MAB21L3: variants seen among roughly 807,000 people sequenced by gnomAD.
MAB21L3 encodes the protein mab-21 like 3, also known as protein mab-21-like 3.
A neutral mutation model predicts 37.7 loss-of-function variants in MAB21L3; 36 were observed. The ratio of observed to expected loss-of-function variants is 0.96; its 90% CI spans 0.73 to 1.26. The LOEUF is 1.26. Among genes scored for constraint, MAB21L3 ranks in the 50% most tolerant of loss-of-function variants. The probability of loss-of-function intolerance (pLI) is 0.00; values close to 1 mark genes in which losing one functional copy is unlikely to be tolerated. For synonymous variants in MAB21L3, 186 were observed against 176.8 expected, an observed-to-expected ratio of 1.05 and a Z score of -0.41; for missense variants, 430 against 447.3, an observed-to-expected ratio of 0.96 and a Z score of 0.35.
At chr1:116,115,126 T>C (rs1659552462) in intron 3 of MAB21L3, among the ~76,000 whole-genome samples, 1 of 152,140 alleles carries the variant, frequency 6.6e-6, no homozygotes, top group Admixed American at 6.5e-5. Context: ...TCCTCATCTA[T>C]AAAATGGGGA....
At chr1:116,132,433 G>A (rs1287509024) in intron 7 of MAB21L3, among the ~76,000 whole-genome samples, 1 of 152,152 alleles carries the variant, frequency 6.6e-6, no homozygotes, top group Non-Finnish European at 1.5e-5. Flanking sequence ...GAAAGGTCAG[G>A]TAAGGTGCAG....
At chr1:116,124,019 C>A (rs1388763636) in intron 4 of MAB21L3, 47 bp from the exon 5 acceptor site, 1 of 1,547,098 alleles carries the variant, frequency 6.5e-7, no homozygotes, top group South Asian at 1.3e-5. Context: ...CCGTTACCTC[C>A]CGAATCTGTG....
intron 3 of MAB21L3, among the ~76,000 whole-genome samples, chr1:116,114,911 G>A (rs1659544081): frequency 6.6e-6 from 1 of 152,118 alleles, no homozygotes; most frequent in Non-Finnish European, 1.5e-5. Flanking sequence ...TTTAATAAGT[G>A]GAGAAGTATA....
chr1:116,133,204 C>G lies in MAB21L3; in HGVS notation c.928C>G (p.Arg310Gly). 2 of 1,614,228 alleles carry G rather than the reference C, an allele frequency of 1.2e-6. No homozygotes were observed. Among genetic ancestry groups the G allele is most frequent in the East Asian group, 2.2e-5 (1 of 44,884 alleles). ...GCAGGTCTTCAGCAAAGCATTTCTG[C>G]GCCTGGTGAGGAAACTGCACAAGTG... ...DWQVFSKAFLRLVRKLHKCVS... is the reference protein window; with the variant it reads ...DWQVFSKAFLGLVRKLHKCVS... Residue 310 changes from arginine (R) to glycine (G), a missense_variant, in exon 8 of 8, where the codon CGC becomes GGC. Transcript: ENST00000369500.
intron 3 of MAB21L3, among the ~76,000 whole-genome samples, chr1:116,114,168 A>C (rs1223806563): frequency 2.6e-5 from 4 of 152,170 alleles, no homozygotes; most frequent in Non-Finnish European, 4.4e-5. Context: ...AACTCCTGAC[A>C]CTTTTCTATT....
chr1:116,114,742 A>G (rs540824258), intron 3 of MAB21L3, among the ~76,000 whole-genome samples: 1 of 152,224 alleles, frequency 6.6e-6, no homozygotes, highest in Non-Finnish European at 1.5e-5. Flanking sequence ...GGAATTTCAC[A>G]TGCAGTCAGG....
Position 116,120,848 on chromosome 1 carries a change from A to G in MAB21L3, c.49-84A>G, listed in dbSNP as rs139793745. ...AACTCCCTCAGTCACCCCTTGCTGT[A>G]CCCTTGTCTCCTCACTCTCTTATGC... is the stretch of plus-strand genomic sequence containing the variant. On this transcript the variant is annotated intron_variant, in intron 3 of 7. Transcript: ENST00000369500. The G allele has an allele frequency of 1.1e-3, 1,634 of 1,543,916 alleles. 12 individuals carry two copies. The African/African-American group carries it at 0.02, about 19-fold the overall frequency.
At chr1:116,129,540 T>A (rs1244668204) in intron 7 of MAB21L3, among the ~76,000 whole-genome samples, 2 of 152,202 alleles carry the variant, frequency 1.3e-5, no homozygotes, top group Non-Finnish European at 2.9e-5. Context: ...CTTCCTTCTC[T>A]CATTCGATGG....
At chr1:116,128,382 G>T in intron 7 of MAB21L3, 43 bp downstream of exon 7, 3 of 1,549,400 alleles carry the variant, frequency 1.9e-6, no homozygotes, top group Non-Finnish European at 2.6e-6. Context: ...GGCAGCTTTG[G>T]ATAGGTCATT....
At chr1:116,132,937 G>A (rs1660112811) in intron 7 of MAB21L3, among the ~76,000 whole-genome samples, 195 bp from the exon 8 acceptor site, 1 of 152,150 alleles carries the variant, frequency 6.6e-6, no homozygotes, top group South Asian at 2.1e-4. Flanking sequence ...AATAGATTAG[G>A]GAAGAGGTGC....
At position 116,133,432 on chromosome 1, in the gene MAB21L3, C is replaced by A; in HGVS notation, c.*67C>A. ...GCTTAACATTGTTCTTTGGATGGTTCCTCAGTCAGGTGCCAGGATCCTGCC... is the reference window on the plus strand; with the variant it reads ...GCTTAACATTGTTCTTTGGATGGTTACTCAGTCAGGTGCCAGGATCCTGCC... On this transcript the variant is annotated 3_prime_UTR_variant, in exon 8 of 8. Coordinates refer to ENST00000369500, the MANE Select transcript of MAB21L3 (RefSeq NM_152367.3). 6.9e-7 allele frequency: 1 copy of A among 1,441,132 alleles called. No individual in the cohort carries two copies. The highest frequency in any genetic ancestry group is 9.7e-7 in the Non-Finnish European group (1 of 1,033,338). The allele number at this position is 1,441,132 out of a possible 1,614,324, so 89.3% of individuals were successfully genotyped here. A position where few individuals can be genotyped will look rare whatever the true frequency, so the allele number is the denominator to read the frequency against.
chr1:116,130,154 T>TC (rs1660032146), intron 7 of MAB21L3, among the ~76,000 whole-genome samples: 1 of 152,230 alleles, frequency 6.6e-6, no homozygotes, highest in Admixed American at 6.5e-5. Context: ...TGGATGGAAA[T>TC]ACCATTCGGT....
chr1:116,121,775 T>C (rs909172154), intron 4 of MAB21L3, among the ~76,000 whole-genome samples: 9 of 152,142 alleles, frequency 5.9e-5, no homozygotes, highest in African/African-American at 1.9e-4. Context: ...GGCAACACAG[T>C]AGTGAGGGCA....
rs1385585101 is a variant in MAB21L3, at chr1:116,134,448, A to G, written c.*1083A>G. 1 of 152,274 alleles carries G rather than the reference A, an allele frequency of 6.6e-6. No homozygotes were observed. Among genetic ancestry groups the G allele is most frequent in the African/African-American group, 2.4e-5 (1 of 41,460 alleles). 9.4% of individuals were successfully genotyped at this position (152,274 alleles called of 1,614,324 possible). ...TGGAAGCAAGTGCTTCAAAGGAAAT[A>G]AACAGAATGTTGAAGTAGAGTCCAC... On this transcript the variant is annotated 3_prime_UTR_variant, in exon 8 of 8. Coordinates refer to ENST00000369500, the MANE Select transcript of MAB21L3 (RefSeq NM_152367.3).
At chr1:116,130,045 G>C (rs1208126532) in intron 7 of MAB21L3, among the ~76,000 whole-genome samples, 1 of 152,144 alleles carries the variant, frequency 6.6e-6, no homozygotes, top group Non-Finnish European at 1.5e-5. Context: ...CTTTATACAG[G>C]CCACACTAGA....
At position 116,133,626 on chromosome 1, in the gene MAB21L3, CAGA is replaced by C; in HGVS notation, c.*262_*264del. ...AGCTCTCATCAGGCTTCCCCAGGCA[CAGA>C]TTTGGAACTGGTGACAGTTCTGAAC... On this transcript the variant is annotated 3_prime_UTR_variant, in exon 8 of 8. Coordinates refer to ENST00000369500, the MANE Select transcript of MAB21L3 (RefSeq NM_152367.3). 1 of 545,872 alleles carries C rather than the reference CAGA, an allele frequency of 1.8e-6. No homozygotes were observed. Among genetic ancestry groups the C allele is most frequent in the Non-Finnish European group, 3.3e-6 (1 of 303,702 alleles). The allele number at this position is 545,872 out of a possible 1,614,324, so 33.8% of individuals were successfully genotyped here.
chr1:116,121,072 G>A lies in MAB21L3; in HGVS notation c.189G>A (p.Lys63=). The A allele has an allele frequency of 6.2e-7, 1 of 1,612,544 alleles. No individual in the cohort carries two copies. The highest frequency in any genetic ancestry group is 1.1e-5 in the South Asian group (1 of 90,834). ...CTGACACGTACAATGAAAATATTAA[G>A]GTAAGCAAGTCTTGCTGTCTCTAAG... ...PYSDTYNENI[K]VLAPSQFLVT... is the part of the protein sequence containing the mutation. The change falls in exon 4 of 8, where the codon AAG becomes AAA. Residue 63 remains lysine (K), a splice_region_variant and synonymous_variant. Coordinates refer to ENST00000369500, the MANE Select transcript of MAB21L3 (RefSeq NM_152367.3).
Position 116,133,444 on chromosome 1 carries a change from GC to G in MAB21L3, c.*81del. ...TCTTTGGATGGTTCCTCAGTCAGGTGCCAGGATCCTGCCTAGGAGAAAGGCC... is the reference window on the plus strand; with the variant it reads ...TCTTTGGATGGTTCCTCAGTCAGGTGCAGGATCCTGCCTAGGAGAAAGGCC... On this transcript the variant is annotated 3_prime_UTR_variant, in exon 8 of 8. Transcript: ENST00000369500. The G allele has an allele frequency of 7.5e-7, 1 of 1,326,650 alleles. No homozygotes were observed. The highest frequency in any genetic ancestry group is 1.1e-6 in the Non-Finnish European group (1 of 936,482). 82.2% of individuals were successfully genotyped at this position (1,326,650 alleles called of 1,614,324 possible).
intron 3 of MAB21L3, among the ~76,000 whole-genome samples, chr1:116,119,758 G>C (rs2101610971): frequency 6.6e-6 from 1 of 152,232 alleles, no homozygotes; most frequent in South Asian, 2.1e-4. Flanking sequence ...ATCTTATTTG[G>C]ATTTTTCTGT....
Sources: gnomAD v4.1 joint callset for allele counts (sites outside exome capture counted in the v4.1 genomes callset) on GRCh38, gnomAD v4.1.1 for gene constraint, MANE v1.5 for transcripts, NCBI Gene and HGNC (gene_info 2026-07-23, HGNC 2026-07-21) for gene names.